The following CHRM2 variants were observed in gnomAD, a reference collection of about 807,000 sequenced individuals.
The protein encoded by CHRM2 is cholinergic receptor muscarinic 2.
CHRM2 carries 8 observed loss-of-function variants against 25.0 expected under a neutral mutation model. The ratio of observed to expected loss-of-function variants is 0.32; its 90% CI spans 0.19 to 0.58. CHRM2 has a LOEUF of 0.58. Ranked by LOEUF, CHRM2 falls within the 20% of genes least tolerant of loss-of-function variation. The pLI, the probability that CHRM2 is intolerant of heterozygous loss-of-function variation, is 0.88. For missense variants in CHRM2, 440 were observed against 567.1 expected, an observed-to-expected ratio of 0.78 and a Z score of 2.28; for synonymous variants, 202 against 205.7, an observed-to-expected ratio of 0.98 and a Z score of 0.15.
intron 2 of CHRM2, among the ~76,000 whole-genome samples, chr7:136,971,623 A>AG (rs1801779360): frequency 6.6e-6 from 1 of 151,188 alleles, no homozygotes; most frequent in African/African-American, 2.4e-5. Flanking sequence ...TTTCACAAAA[A>AG]AAAAAAAAAA....
At chr7:136,961,640 G>A (rs557162930) in intron 2 of CHRM2, among the ~76,000 whole-genome samples, 8 of 152,118 alleles carry the variant, frequency 5.3e-5, no homozygotes, top group South Asian at 2.1e-4. Flanking sequence ...TGTTGGTGTA[G>A]ATATTTATTT....
chr7:137,014,566 T>C (rs1159238720), intron 3 of CHRM2, among the ~76,000 whole-genome samples: 1 of 152,028 alleles, frequency 6.6e-6, no homozygotes, highest in Non-Finnish European at 1.5e-5. Context: ...GGTAGATAGA[T>C]ACTCATATCT....
chr7:136,979,780 C>A (rs1178539214), intron 2 of CHRM2, among the ~76,000 whole-genome samples: 1 of 151,998 alleles, frequency 6.6e-6, no homozygotes, highest in Non-Finnish European at 1.5e-5. Context: ...ATTTCTGAGG[C>A]CTCTGTTCTG....
chr7:136,878,993 T>A (rs1563040575), intron 2 of CHRM2, among the ~76,000 whole-genome samples: 1 of 151,820 alleles, frequency 6.6e-6, no homozygotes, highest in Non-Finnish European at 1.5e-5. Context: ...GAAAATGAAG[T>A]CATGAAAACA....
intron 2 of CHRM2, among the ~76,000 whole-genome samples, chr7:136,910,830 TGAGA>T (rs1554414700): frequency 4.0e-5 from 6 of 149,614 alleles, no homozygotes; most frequent in East Asian, 2.0e-4. Flanking sequence ...TGTGTGTGTG[TGAGA>T]GAGAGAGAGA....
intron 2 of CHRM2, among the ~76,000 whole-genome samples, chr7:136,935,860 C>A (rs1426251097): frequency 6.6e-6 from 1 of 152,074 alleles, no homozygotes; most frequent in East Asian, 1.9e-4. Context: ...TCTTTTCTTT[C>A]CTGAGAAAAC....
chr7:136,898,181 C>T (rs1328980295), intron 2 of CHRM2, among the ~76,000 whole-genome samples: 1 of 152,078 alleles, frequency 6.6e-6, no homozygotes, highest in Non-Finnish European at 1.5e-5. Flanking sequence ...TTATGTATTT[C>T]TCATAGTCCA....
At position 137,015,725 on chromosome 7, in the gene CHRM2, C is replaced by G. The variant is rs138193709; in HGVS notation, c.860C>G (p.Thr287Ser). The G allele has an allele frequency of 1.0e-4, 163 of 1,613,284 alleles. No homozygotes were observed. In the African/African-American group the frequency reaches 2.0e-3, roughly 20 times the overall value. ...GEEKESSNDS[T>S]SVSAVASNMR... ...GAGAAGGAGAGCTCCAATGACTCCACCTCAGTCAGTGCTGTTGCCTCTAAT... is the reference window on the plus strand; with the variant it reads ...GAGAAGGAGAGCTCCAATGACTCCAGCTCAGTCAGTGCTGTTGCCTCTAAT... The change falls in exon 4 of 4, where the codon ACC (threonine) becomes AGC (serine). Residue 287 changes from threonine to serine, a missense_variant. By Grantham distance (58) the Thr-to-Ser change is moderately conservative. This residue lies in a region of CHRM2 where 261 missense variants were observed against 261.8 expected (regional missense o/e 1.00). Coordinates refer to ENST00000680005, the MANE Select transcript of CHRM2 (RefSeq NM_001006630.2). The surrounding 1 kb of genome is among the most constrained non-coding windows in gnomAD (Gnocchi z 5.1).
intron 2 of CHRM2, among the ~76,000 whole-genome samples, chr7:136,909,771 GTA>G (rs1797741702): frequency 6.6e-6 from 1 of 151,890 alleles, no homozygotes; most frequent in Non-Finnish European, 1.5e-5. Flanking sequence ...ACATGTACAT[GTA>G]TACTTATTTC....
intron 2 of CHRM2, among the ~76,000 whole-genome samples, chr7:136,957,650 A>C (rs2130878648): frequency 6.6e-6 from 1 of 152,304 alleles, no homozygotes; most frequent in South Asian, 2.1e-4. Flanking sequence ...ACATACCAGC[A>C]CTGTGTGTCT....
Position 137,014,815 on chromosome 7 carries a change from T to G in CHRM2, c.-46-5T>G. 1 of 1,435,958 alleles carries G rather than the reference T, an allele frequency of 7.0e-7. No individual in the cohort carries two copies. The highest frequency in any genetic ancestry group is 9.8e-7 in the Non-Finnish European group (1 of 1,020,998). 89.0% of individuals were successfully genotyped at this position (1,435,958 alleles called of 1,614,324 possible). A position where few individuals can be genotyped will look rare whatever the true frequency, so the allele number is the denominator to read the frequency against. On this transcript the variant is annotated splice_region_variant and splice_polypyrimidine_tract_variant and intron_variant, in intron 3 of 3. Transcript: ENST00000680005. The stretch of plus-strand genomic sequence containing the variant: ...GTTTGTTAATTTTATTCTATTTCCT[T>G]GCAGGTTTAAATGTTTATTTGCTAC...
chr7:136,936,123 AG>A (rs1799396771), intron 2 of CHRM2, among the ~76,000 whole-genome samples: 3 of 152,094 alleles, frequency 2.0e-5, no homozygotes, highest in African/African-American at 7.2e-5. Context: ...TGGGTAGCGG[AG>A]ATATTTTTCA....
At chr7:137,008,858 C>A (rs1228466667) in intron 3 of CHRM2, among the ~76,000 whole-genome samples, 1 of 151,868 alleles carries the variant, frequency 6.6e-6, no homozygotes. Context: ...CTTGACTTTT[C>A]TATTTCTTCT....
At position 137,016,329 on chromosome 7, in the gene CHRM2, G is replaced by A. The variant is rs1456758122; in HGVS notation, c.*63G>A. On this transcript the variant is annotated 3_prime_UTR_variant, in exon 4 of 4. Coordinates refer to ENST00000680005, the MANE Select transcript of CHRM2 (RefSeq NM_001006630.2). ...CTTGAGAAGAATAAAAGGGATAAACGAGCTCCTAGTTTTAAAATCTCTGCC... is the reference window on the plus strand; with the variant it reads ...CTTGAGAAGAATAAAAGGGATAAACAAGCTCCTAGTTTTAAAATCTCTGCC... 20 of 1,493,002 alleles carry A rather than the reference G, an allele frequency of 1.3e-5. No homozygotes were observed. The highest frequency in any genetic ancestry group is 1.8e-5 in the Non-Finnish European group (19 of 1,073,110). 92.5% of individuals were successfully genotyped at this position (1,493,002 alleles called of 1,614,324 possible).
chr7:136,910,527 C>A (rs1001359364), intron 2 of CHRM2, among the ~76,000 whole-genome samples: 1 of 151,868 alleles, frequency 6.6e-6, no homozygotes, highest in African/African-American at 2.4e-5. Context: ...GACTGCAGAT[C>A]TCTTTTCATC....
intron 2 of CHRM2, among the ~76,000 whole-genome samples, chr7:136,901,566 G>A (rs1797208603): frequency 6.6e-6 from 1 of 152,070 alleles, no homozygotes; most frequent in South Asian, 2.1e-4. Flanking sequence ...GAATAGCAAT[G>A]ATCTTTGGAC....
chr7:136,984,761 C>T (rs999464572), intron 2 of CHRM2, among the ~76,000 whole-genome samples: 10 of 152,060 alleles, frequency 6.6e-5, no homozygotes, highest in Non-Finnish European at 1.3e-4. Flanking sequence ...TCTGCTTGCC[C>T]TCCATGGGCT....
intron 2 of CHRM2, among the ~76,000 whole-genome samples, chr7:136,968,848 C>G (rs1801586905): frequency 6.6e-6 from 1 of 151,400 alleles, no homozygotes; most frequent in African/African-American, 2.4e-5. Flanking sequence ...ATAAGCCAGG[C>G]ACAAAAACAC....
chr7:136,920,997 A>G (rs551864292), intron 2 of CHRM2, among the ~76,000 whole-genome samples: 21 of 152,190 alleles, frequency 1.4e-4, no homozygotes, highest in African/African-American at 4.8e-4. Context: ...AGCCATCTCA[A>G]ATGGAAGATG....
Sources: allele counts gnomAD v4.1 joint callset (sites outside exome capture counted in the v4.1 genomes callset), GRCh38; gene constraint gnomAD v4.1.1; regional missense constraint gnomAD v4.1.1; non-coding constraint Gnocchi (gnomAD v3.1); transcripts MANE v1.5; gene names NCBI Gene and HGNC (gene_info 2026-07-23, HGNC 2026-07-21).